The following DSCAML1 variants were observed in gnomAD, a reference collection of about 807,000 sequenced individuals.
DSCAML1 encodes DS cell adhesion molecule like 1.
In DSCAML1, 38 loss-of-function variants were observed where a neutral mutation model predicts 200.5. That is an observed-to-expected ratio of 0.19 (90% CI 0.15 to 0.25). The LOEUF (loss-of-function observed/expected upper bound fraction) is 0.25, where lower values mean the gene tolerates loss of function less well. Among genes scored for constraint, DSCAML1 ranks in the 10% least tolerant of loss-of-function variants. DSCAML1 has a pLI of 1.00. For missense variants in DSCAML1, 2,223 were observed against 2,858.8 expected, an observed-to-expected ratio of 0.78 and a Z score of 5.07; for synonymous variants, 1,215 against 1,165.0, an observed-to-expected ratio of 1.04 and a Z score of -0.87.
intron 3 of DSCAML1, among the ~76,000 whole-genome samples, chr11:117,775,561 G>T (rs971089397): frequency 6.6e-6 from 1 of 151,906 alleles, no homozygotes; most frequent in African/African-American, 2.4e-5. Flanking sequence ...ACTGAGAGAA[G>T]GAAAAAGTAC....
At chr11:117,538,463 A>G (rs543222670) in intron 3 of DSCAML1, among the ~76,000 whole-genome samples, 1 of 152,190 alleles carries the variant, frequency 6.6e-6, no homozygotes, top group Non-Finnish European at 1.5e-5. Flanking sequence ...TCCTGCGGTC[A>G]GGCCTCCTGC....
At position 117,437,311 on chromosome 11, in the gene DSCAML1, T is replaced by G. The variant is rs767977526; in HGVS notation, c.4531A>C (p.Thr1511Pro). The change falls in exon 26 of 33, where the codon ACA becomes CCA. Residue 1511 changes from threonine to proline, a missense_variant. Transcript: ENST00000651296. The surrounding 1 kb of genome is among the most constrained non-coding windows in gnomAD (Gnocchi z 5.3). ...GGCCGGTACTCCAGAACGATGGCTG[T>G]GATAGGGCAGCCCCCATTGTTCCAG... ...QGWNNGGCPI[T>P]AIVLEYRPKG... is the part of the protein sequence containing the mutation. The G allele has an allele frequency of 6.2e-7, 1 of 1,614,066 alleles. No homozygotes were observed. The highest frequency in any genetic ancestry group is 1.3e-5 in the African/African-American group (1 of 74,924).
intron 21 of DSCAML1, among the ~76,000 whole-genome samples, chr11:117,441,982 ATGTG>A (rs1392570866): frequency 6.6e-6 from 1 of 151,346 alleles, no homozygotes; most frequent in Non-Finnish European, 1.5e-5. Flanking sequence ...GTGTGTGCAT[ATGTG>A]TGTGTATGTG....
In DSCAML1 at chr11:117,521,130, C is replaced by T. The variant is rs778943057; in HGVS notation, c.1213G>A (p.Asp405Asn). ...AQDFAIIALE[D>N]GTPRIVSSFS... ...CCTGTGTCCTGGCGCCCCAGCTCAC[C>T]CTCAAGTGCAATGATGGCAAAGTCC... Residue 405 changes from aspartate (D) to asparagine (N), a missense_variant and splice_region_variant, in exon 6 of 33, where the codon GAT (aspartate) becomes AAT (asparagine). By Grantham distance (23) the Asp-to-Asn change is conservative. Transcript: ENST00000651296. 6.2e-7 allele frequency: 1 copy of T among 1,610,198 alleles called. No individual in the cohort carries two copies. The highest frequency in any genetic ancestry group is 1.1e-5 in the South Asian group (1 of 91,016).
At chr11:117,547,016 T>C (rs942796782) in intron 3 of DSCAML1, among the ~76,000 whole-genome samples, 27 of 151,876 alleles carry the variant, frequency 1.8e-4, no homozygotes, top group African/African-American at 2.4e-4. Context: ...TGCATTTAAA[T>C]GGATTTGCTG....
intron 8 of DSCAML1, among the ~76,000 whole-genome samples, chr11:117,509,482 C>T (rs1270862578): frequency 2.0e-5 from 3 of 152,158 alleles, no homozygotes; most frequent in African/African-American, 7.2e-5. Context: ...GCAGGCTCCT[C>T]GCTCCTCTCC....
intron 3 of DSCAML1, among the ~76,000 whole-genome samples, chr11:117,729,994 A>AT (rs1323383090): frequency 6.6e-6 from 1 of 152,208 alleles, no homozygotes; most frequent in African/African-American, 2.4e-5. Context: ...AGGTCAAGAG[A>AT]TTGAGACCAT....
intron 3 of DSCAML1, among the ~76,000 whole-genome samples, chr11:117,608,325 A>G (rs1565823143): frequency 6.6e-6 from 1 of 152,264 alleles, no homozygotes; most frequent in Non-Finnish European, 1.5e-5. Flanking sequence ...GATCATAAAA[A>G]TGAAGCACGC....
rs2055221595 is a variant in DSCAML1 at position 117,780,273 on chromosome 11, A to AAAGG, written c.364+219_364+220insCCTT. Reference sequence around the variant, plus strand: ...GAAAGAAAGAAAGAAAGAAAGAAAGAAAGAAAGAAAGAAAGAAAGAAAGAA... The same window carrying AAAGG: ...GAAAGAAAGAAAGAAAGAAAGAAAGAAAGGAAGAAAGAAAGAAAGAAAGAAAGAA... On this transcript the variant is annotated intron_variant, in intron 2 of 32. Coordinates refer to ENST00000651296, the MANE Select transcript of DSCAML1 (RefSeq NM_020693.4). This position sits in a 1 kb window ranked among gnomAD's most constrained non-coding sequence, Gnocchi z 4.8. Among the ~76,000 whole-genome samples the AAAGG allele has an allele frequency of 1.0e-5, 1 of 95,710 alleles. No homozygotes were observed. Among genetic ancestry groups the AAAGG allele is most frequent in the Non-Finnish European group, 2.5e-5 (1 of 39,512 alleles). The allele number at this position is 95,710 out of a possible 152,430, so 62.8% of individuals were successfully genotyped here.
At chr11:117,571,797 C>G (rs932312363) in intron 3 of DSCAML1, among the ~76,000 whole-genome samples, 2 of 152,168 alleles carry the variant, frequency 1.3e-5, no homozygotes, top group African/African-American at 2.4e-5. Flanking sequence ...AATTCTAAGT[C>G]ACAGGATAAG....
rs767996903 is a variant in DSCAML1 at position 117,532,357 on chromosome 11, C to T, written c.658+19G>A. 2.2e-5 allele frequency: 35 copies of T among 1,611,184 alleles called. No individual in the cohort carries two copies. In the African/African-American group the frequency reaches 4.5e-4, roughly 21 times the overall value. On this transcript the variant is annotated intron_variant, in intron 4 of 32. Transcript: ENST00000651296. ...TCCCTTCCCAGCCTGCCCCGTTCTC[C>T]CCAGGCCCTCTCCCCTACCTGTCAC...
At chr11:117,609,490 A>G (rs1348342748) in intron 3 of DSCAML1, among the ~76,000 whole-genome samples, 1 of 151,798 alleles carries the variant, frequency 6.6e-6, no homozygotes, top group Non-Finnish European at 1.5e-5. Context: ...AAAACATTGT[A>G]GAGACCAGGT....
At chr11:117,799,302 T>C (rs1003461410), upstream of DSCAML1, among the ~76,000 whole-genome samples, 1 of 152,152 alleles carries the variant, frequency 6.6e-6, no homozygotes, top group Admixed American at 6.5e-5. Context: ...GCAGACAGGA[T>C]GAAAGGGGCT....
At chr11:117,766,396 G>T (rs1392907897) in intron 3 of DSCAML1, among the ~76,000 whole-genome samples, 1 of 152,220 alleles carries the variant, frequency 6.6e-6, no homozygotes, top group East Asian at 1.9e-4. Flanking sequence ...ATTTTGATGT[G>T]AACACCAGCA....
intron 3 of DSCAML1, chr11:117,668,398 G>C (rs1374585203): frequency 6.6e-6 from 1 of 152,270 alleles, no homozygotes; most frequent in Non-Finnish European, 1.5e-5. Flanking sequence ...TGTCTCGGGA[G>C]TCTGGTGCAA....
chr11:117,735,017 G>A (rs1354392000), intron 3 of DSCAML1, among the ~76,000 whole-genome samples: 1 of 152,134 alleles, frequency 6.6e-6, no homozygotes, highest in Non-Finnish European at 1.5e-5. Flanking sequence ...GGGGATTCAG[G>A]TCAGGCTGTG....
At chr11:117,484,055 G>A (rs1203961903) in intron 11 of DSCAML1, among the ~76,000 whole-genome samples, 1 of 18,122 alleles carries the variant, frequency 5.5e-5, no homozygotes, top group Non-Finnish European at 1.1e-4. Context: ...CCCCTGCCCC[G>A]GCACCGTGTC....
intron 3 of DSCAML1, among the ~76,000 whole-genome samples, chr11:117,732,425 T>C (rs1426185761): frequency 1.3e-5 from 2 of 152,184 alleles, no homozygotes; most frequent in African/African-American, 4.8e-5. Flanking sequence ...GTTCTGCTAC[T>C]AACAAGCTTT....
intron 2 of DSCAML1, 112 bp from the exon 3 acceptor site, chr11:117,777,049 T>G (rs1367012505): frequency 1.5e-5 from 17 of 1,107,984 alleles, no homozygotes; most frequent in Non-Finnish European, 2.2e-5. Context: ...AGCCTCACCT[T>G]CCCACTTCTT....
Sources: allele counts gnomAD v4.1 joint callset (sites outside exome capture counted in the v4.1 genomes callset), GRCh38; gene constraint gnomAD v4.1.1; non-coding constraint Gnocchi (gnomAD v3.1); transcripts MANE v1.5; gene names NCBI Gene and HGNC (gene_info 2026-07-23, HGNC 2026-07-21).